The following MOB3B variants were observed in gnomAD, a reference collection of about 807,000 sequenced individuals.
MOB3B encodes the protein MOB kinase activator 3B.
MOB3B carries 7 observed loss-of-function variants against 18.7 expected under a neutral mutation model. The ratio of observed to expected loss-of-function variants is 0.37; its 90% CI spans 0.21 to 0.70. The LOEUF (loss-of-function observed/expected upper bound fraction) is 0.70, where lower values mean the gene tolerates loss of function less well. MOB3B is among the 30% of genes least tolerant of loss of function. MOB3B has a pLI of 0.52. For missense variants in MOB3B, 253 were observed against 281.3 expected, an observed-to-expected ratio of 0.90 and a Z score of 0.72; for synonymous variants, 111 against 99.9, an observed-to-expected ratio of 1.11 and a Z score of -0.66.
intron 1 of MOB3B, among the ~76,000 whole-genome samples, chr9:27,499,913 T>C (rs1018309727): frequency 1.3e-5 from 2 of 152,232 alleles, no homozygotes; most frequent in African/African-American, 4.8e-5. Context: ...TATGTTGAAA[T>C]GAAATCTACA....
chr9:27,342,495 T>C (rs1354286595), intron 3 of MOB3B, among the ~76,000 whole-genome samples: 1 of 148,384 alleles, frequency 6.7e-6, no homozygotes, highest in Non-Finnish European at 1.5e-5. Context: ...GGTCTCCCTC[T>C]GATGCCACCA....
chr9:27,497,452 T>C (rs1216704402), intron 1 of MOB3B, among the ~76,000 whole-genome samples: 1 of 152,032 alleles, frequency 6.6e-6, no homozygotes, highest in Non-Finnish European at 1.5e-5. Flanking sequence ...TTTAGTATTA[T>C]ACAAATATAA....
rs187542064 is a variant in MOB3B, at chr9:27,414,824, G to A, written c.418+40309C>T. On this transcript the variant is annotated intron_variant, in intron 2 of 3. Coordinates refer to ENST00000262244, the MANE Select transcript of MOB3B (RefSeq NM_024761.5). ...TTATATAAAATGAGAAAGAAATCCC[G>A]TGAGACAGTTTAGCTGAATGATACT... Among the ~76,000 whole-genome samples the A allele has an allele frequency of 3.9e-3, 586 of 152,182 alleles. 2 individuals carry two copies. The highest frequency in any genetic ancestry group is 6.5e-3 in the African/African-American group (271 of 41,524).
rs1242575723 is a variant in MOB3B, at chr9:27,341,841, C to T, written c.622-11225G>A. Among the ~76,000 whole-genome samples the T allele has an allele frequency of 3.9e-5, 6 of 152,284 alleles. No individual in the cohort carries two copies. The East Asian group carries it at 7.7e-4, about 20-fold the overall frequency. ...ATTCAAACCAGGATATCATTTGGAT[C>T]TTATCAACAGGCCTCGGAATCCTAT... On this transcript the variant is annotated intron_variant, in intron 3 of 3. Coordinates refer to ENST00000262244, the MANE Select transcript of MOB3B (RefSeq NM_024761.5).
Position 27,529,588 on chromosome 9 carries a change from G to C in MOB3B, c.-232C>G, listed in dbSNP as rs560527692. 5 of 985,724 alleles carry C rather than the reference G, an allele frequency of 5.1e-6. No homozygotes were observed. In the South Asian group the frequency reaches 1.4e-4, roughly 28 times the overall value. The allele number at this position is 985,724 out of a possible 1,614,324, so 61.1% of individuals were successfully genotyped here. A position where few individuals can be genotyped will look rare whatever the true frequency, so the allele number is the denominator to read the frequency against. On this transcript the variant is annotated 5_prime_UTR_variant, in exon 1 of 4. Coordinates refer to ENST00000262244, the MANE Select transcript of MOB3B (RefSeq NM_024761.5). Reference sequence around the variant, plus strand: ...TTTACCTCCAGCCCAGGGCCCGGTCGGCTCCCTTCGCCGGGTCAGCTGCAG... The same window carrying C: ...TTTACCTCCAGCCCAGGGCCCGGTCCGCTCCCTTCGCCGGGTCAGCTGCAG...
At position 27,348,341 on chromosome 9, in the gene MOB3B, T is replaced by A. The variant is rs146682311; in HGVS notation, c.621+10693A>T. On this transcript the variant is annotated intron_variant, in intron 3 of 3. Transcript: ENST00000262244. The stretch of plus-strand genomic sequence containing the variant: ...TTAAAATTATTTAACATATGAAGAA[T>A]TATTTAACATTTCTCTCTTCAAGAA... Among the ~76,000 whole-genome samples, 130 of 149,902 alleles carry A rather than the reference T, an allele frequency of 8.7e-4. 2 individuals are homozygous for A. The East Asian group carries it at 0.024, about 27-fold the overall frequency.
intron 1 of MOB3B, among the ~76,000 whole-genome samples, chr9:27,498,726 C>T (rs1587259804): frequency 6.6e-6 from 1 of 152,136 alleles, no homozygotes; most frequent in African/African-American, 2.4e-5. Flanking sequence ...GGCACATGCA[C>T]CATTGAAAGG....
chr9:27,378,565 C>T (rs570372582), intron 2 of MOB3B: 6 of 471,006 alleles, frequency 1.3e-5, no homozygotes, highest in South Asian at 3.1e-5. Flanking sequence ...AGGTGAGGGC[C>T]GGGGATCTGG....
At chr9:27,386,530 A>G (rs1821652520) in intron 2 of MOB3B, among the ~76,000 whole-genome samples, 1 of 152,208 alleles carries the variant, frequency 6.6e-6, no homozygotes, top group Non-Finnish European at 1.5e-5. Flanking sequence ...CACATGCTAG[A>G]ATGCATAAAT....
chr9:27,520,987 T>C (rs921990194), intron 1 of MOB3B, among the ~76,000 whole-genome samples: 2 of 152,236 alleles, frequency 1.3e-5, no homozygotes, highest in African/African-American at 2.4e-5. Context: ...GAAGGACAGA[T>C]GTGTATGCCA....
intron 2 of MOB3B, among the ~76,000 whole-genome samples, chr9:27,426,358 G>A (rs1183824251): frequency 1.3e-5 from 2 of 152,226 alleles, no homozygotes; most frequent in Non-Finnish European, 1.5e-5. Flanking sequence ...TGCTTGGCAT[G>A]AGCAGAACAG....
chr9:27,410,362 C>T (rs1822047442), intron 2 of MOB3B, among the ~76,000 whole-genome samples: 2 of 152,128 alleles, frequency 1.3e-5, no homozygotes, highest in South Asian at 4.1e-4. Flanking sequence ...TGAATTCAGT[C>T]TGATGAAGAT....
intron 2 of MOB3B, among the ~76,000 whole-genome samples, chr9:27,416,543 A>ATTTTTTTTTTTTTTTT (rs1563863338): frequency 4.0e-5 from 3 of 74,320 alleles, no homozygotes; most frequent in Non-Finnish European, 8.0e-5. Flanking sequence ...ATTTCTTTTT[A>ATTTTTTTTTTTTTTTT]ATTTTTTTTT....
At chr9:27,407,205 A>G (rs927055928) in intron 2 of MOB3B, among the ~76,000 whole-genome samples, 3 of 152,208 alleles carry the variant, frequency 2.0e-5, no homozygotes, top group Non-Finnish European at 4.4e-5. Context: ...AGACTGAAGC[A>G]TCCTGCATTT....
At chr9:27,334,176 G>A (rs1820830500) in intron 3 of MOB3B, among the ~76,000 whole-genome samples, 1 of 152,170 alleles carries the variant, frequency 6.6e-6, no homozygotes, top group African/African-American at 2.4e-5. Context: ...ATAACAGGAT[G>A]TATGGTTTGA....
chr9:27,447,476 C>T (rs1675986841), intron 2 of MOB3B, among the ~76,000 whole-genome samples: 1 of 152,210 alleles, frequency 6.6e-6, no homozygotes. Flanking sequence ...ATCCCATTTC[C>T]CTTCCCAGCT....
intron 3 of MOB3B, among the ~76,000 whole-genome samples, chr9:27,341,568 C>G (rs1820941646): frequency 1.3e-5 from 2 of 152,158 alleles, no homozygotes; most frequent in Admixed American, 6.5e-5. Context: ...CTAAAATTTT[C>G]CTTTTAATAC....
intron 2 of MOB3B, chr9:27,378,219 C>T (rs943789385): frequency 5.3e-6 from 2 of 378,198 alleles, no homozygotes; most frequent in African/African-American, 4.2e-5. Flanking sequence ...CTGACCTACA[C>T]AATGAGTAGA....
intron 1 of MOB3B, among the ~76,000 whole-genome samples, chr9:27,512,920 T>A (rs1173830225): frequency 6.6e-6 from 1 of 152,162 alleles, no homozygotes; most frequent in African/African-American, 2.4e-5. Context: ...CACAGGAAAG[T>A]ACATCAGGGT....
Sources: allele counts gnomAD v4.1 joint callset (sites outside exome capture counted in the v4.1 genomes callset), GRCh38; gene constraint gnomAD v4.1.1; transcripts MANE v1.5; gene names NCBI Gene and HGNC (gene_info 2026-07-23, HGNC 2026-07-21).